Variants in USP6NL observed in about 807,000 individuals in gnomAD.
USP6NL encodes USP6 N-terminal like.
Under a neutral mutation model 61.9 loss-of-function variants are expected in USP6NL, and 26 were observed. The observed-to-expected ratio is 0.42, with a 90% CI of 0.31 to 0.58. The LOEUF (loss-of-function observed/expected upper bound fraction) is 0.58. Ranked by LOEUF, USP6NL falls within the 20% of genes least tolerant of loss-of-function variation. The probability of loss-of-function intolerance (pLI) is 0.16; values close to 1 mark genes in which losing one functional copy is unlikely to be tolerated. For missense variants in USP6NL, 1,114 were observed against 1,034.3 expected, an observed-to-expected ratio of 1.08 and a Z score of -1.06; for synonymous variants, 432 against 390.1, an observed-to-expected ratio of 1.11 and a Z score of -1.27.
intron 6 of USP6NL, 67 bp downstream of exon 6, chr10:11,509,528 A>G: frequency 7.3e-7 from 1 of 1,375,200 alleles, no homozygotes; most frequent in Non-Finnish European, 9.8e-7. Flanking sequence ...TTAAAGAAGA[A>G]CTTCTACTAT....
At position 11,462,796 on chromosome 10, in the gene USP6NL, G is replaced by T; in HGVS notation, c.2132C>A (p.Ser711Ter). Residue 711 changes from serine to a stop codon, truncating the protein, a stop_gained, in exon 15 of 15, where the codon TCG (serine) becomes TAG (stop). Coordinates refer to ENST00000609104, the MANE Select transcript of USP6NL (RefSeq NM_014688.5). LOFTEE classifies it low-confidence loss of function (END_TRUNC). ...LPVDTGAGGYSGNSGSPKNGK... is the reference protein window; with the variant it reads ...LPVDTGAGGY ...ATTCTTTGGTGACCCTGAATTGCCC[G>T]AATATCCCCCAGCACCAGTGTCAAC... is the stretch of plus-strand genomic sequence containing the variant. The T allele has an allele frequency of 1.2e-6, 2 of 1,613,948 alleles. No individual in the cohort carries two copies. The highest frequency in any genetic ancestry group is 1.7e-6 in the Non-Finnish European group (2 of 1,179,874).
chr10:11,462,880 T>C lies in USP6NL; in HGVS notation c.2048A>G (p.Lys683Arg), dbSNP rs4418693. 5 of 1,613,820 alleles carry C rather than the reference T, an allele frequency of 3.1e-6. No individual in the cohort carries two copies. Among genetic ancestry groups the C allele is most frequent in the Non-Finnish European group, 4.2e-6 (5 of 1,179,836 alleles). Residue 683 changes from lysine to arginine, a missense_variant, in exon 15 of 15, where the codon AAA becomes AGA. Coordinates refer to ENST00000609104, the MANE Select transcript of USP6NL (RefSeq NM_014688.5). ...AAGGGGGCTTGGGCGGCTGTAAGAT[T>C]TCTCCGGAGAAGCACTGACGGAAAG... is the stretch of plus-strand genomic sequence containing the variant. The part of the protein sequence containing the change: ...STLSVSASPE[K>R]SYSRPSPLVL...
At position 11,602,536 on chromosome 10, in the gene USP6NL, G is replaced by C. The variant is rs988274241; in HGVS notation, c.-83-4819C>G. Among the ~76,000 whole-genome samples the C allele has an allele frequency of 3.3e-5, 5 of 152,120 alleles. No individual in the cohort carries two copies. Among genetic ancestry groups the C allele is most frequent in the African/African-American group, 1.2e-4 (5 of 41,414 alleles). Reference sequence around the variant, plus strand: ...AACAAAGCCAAGTCTCTCGCATCATGGAATGTACAGCACAGTAATTTCAGT... The same window carrying C: ...AACAAAGCCAAGTCTCTCGCATCATCGAATGTACAGCACAGTAATTTCAGT... On this transcript the variant is annotated intron_variant, in intron 1 of 14. Transcript: ENST00000609104. The surrounding 1 kb of genome is among the most constrained non-coding windows in gnomAD (Gnocchi z 4.8).
At chr10:11,509,986 T>C (rs766862832) in intron 5 of USP6NL, among the ~76,000 whole-genome samples, 14 of 152,042 alleles carry the variant, frequency 9.2e-5, no homozygotes, top group Non-Finnish European at 1.8e-4. Context: ...TTTTGAAATA[T>C]TTTACAAAGC....
intron 1 of USP6NL, among the ~76,000 whole-genome samples, chr10:11,601,785 T>C (rs1838539910): frequency 6.6e-6 from 1 of 152,196 alleles, no homozygotes; most frequent in East Asian, 1.9e-4. Context: ...ATGTGAAGAC[T>C]GATGATTATA....
At chr10:11,599,762 G>A (rs1310721621) in intron 1 of USP6NL, among the ~76,000 whole-genome samples, 1 of 134,450 alleles carries the variant, frequency 7.4e-6, no homozygotes, top group African/African-American at 2.8e-5. Context: ...ACGTAGTCTC[G>A]CTCTGTCGCC....
chr10:11,578,837 G>T (rs1837644584), intron 2 of USP6NL, among the ~76,000 whole-genome samples: 1 of 152,160 alleles, frequency 6.6e-6, no homozygotes, highest in Non-Finnish European at 1.5e-5. Flanking sequence ...TGAGGGATCA[G>T]TTTATGTCAT....
intron 2 of USP6NL, among the ~76,000 whole-genome samples, chr10:11,588,553 TGGTTGGCAA>T (rs1838054475): frequency 6.6e-6 from 1 of 152,116 alleles, no homozygotes; most frequent in African/African-American, 2.4e-5. Flanking sequence ...AAAGTTGGAC[TGGTTGGCAA>T]GGAGTAGATG....
At chr10:11,492,889 A>T (rs1435455303) in intron 8 of USP6NL, among the ~76,000 whole-genome samples, 1 of 152,234 alleles carries the variant, frequency 6.6e-6, no homozygotes, top group African/African-American at 2.4e-5. Flanking sequence ...GAATCCCCAG[A>T]TTATAAAATG....
At chr10:11,501,832 C>T (rs1369223834) in intron 6 of USP6NL, among the ~76,000 whole-genome samples, 1 of 152,188 alleles carries the variant, frequency 6.6e-6, no homozygotes, top group Non-Finnish European at 1.5e-5. Context: ...CTCCTCTTTT[C>T]AGTTCTTGCT....
chr10:11,531,446 C>T (rs1054810372), intron 2 of USP6NL, among the ~76,000 whole-genome samples: 1 of 152,028 alleles, frequency 6.6e-6, no homozygotes, highest in South Asian at 2.1e-4. Flanking sequence ...CCTCAGCCTC[C>T]GGAGTAGCTG....
chr10:11,545,896 G>A (rs923765302), intron 2 of USP6NL, among the ~76,000 whole-genome samples: 4 of 151,316 alleles, frequency 2.6e-5, no homozygotes, highest in African/African-American at 9.7e-5. Context: ...CCACACTTTG[G>A]CCAATAGTCC....
At chr10:11,519,631 A>AAAAC (rs1166662206) in intron 4 of USP6NL, among the ~76,000 whole-genome samples, 1 of 151,948 alleles carries the variant, frequency 6.6e-6, no homozygotes, top group African/African-American at 2.4e-5. Flanking sequence ...ATTCCATCTC[A>AAAAC]AAATAAACAA....
At chr10:11,502,271 A>G (rs1173642768) in intron 6 of USP6NL, among the ~76,000 whole-genome samples, 3 of 151,948 alleles carry the variant, frequency 2.0e-5, no homozygotes, top group South Asian at 2.1e-4. Flanking sequence ...AAAAAAAAAA[A>G]AAAGAAACAT....
chr10:11,601,560 T>C (rs546182545), intron 1 of USP6NL, among the ~76,000 whole-genome samples: 13 of 152,320 alleles, frequency 8.5e-5, no homozygotes, highest in African/African-American at 3.1e-4. Flanking sequence ...AGTATTTTAA[T>C]ATGAAAAACC....
chr10:11,518,685 A>G lies in USP6NL; in HGVS notation c.156-111T>C. On this transcript the variant is annotated intron_variant, in intron 4 of 14. Coordinates refer to ENST00000609104, the MANE Select transcript of USP6NL (RefSeq NM_014688.5). This position sits in a 1 kb window ranked among gnomAD's most constrained non-coding sequence, Gnocchi z 5.3. The stretch of plus-strand genomic sequence containing the variant: ...TACAATATTTATTTGTCATCACAAG[A>G]GTTACATAGGCTTCCATTCATTGAA... The G allele has an allele frequency of 1.3e-6, 1 of 784,742 alleles. No individual in the cohort carries two copies. Among genetic ancestry groups the G allele is most frequent in the Non-Finnish European group, 2.0e-6 (1 of 490,876 alleles). The allele number at this position is 784,742 out of a possible 1,614,324, so 48.6% of individuals were successfully genotyped here. A position where few individuals can be genotyped will look rare whatever the true frequency, so the allele number is the denominator to read the frequency against.
intron 2 of USP6NL, among the ~76,000 whole-genome samples, chr10:11,555,451 T>TATATATATAGAGAGAGAG: frequency 1.6e-5 from 1 of 61,004 alleles, no homozygotes; most frequent in Non-Finnish European, 2.7e-5. Flanking sequence ...TATATATATA[T>TATATATATAGAGAGAGAG]AGAGAGAGAG....
At chr10:11,519,867 T>C (rs1264817099) in intron 4 of USP6NL, among the ~76,000 whole-genome samples, 2 of 152,198 alleles carry the variant, frequency 1.3e-5, no homozygotes, top group Non-Finnish European at 2.9e-5. Context: ...TAGTACTGTT[T>C]TGGCAACACT....
Position 11,511,825 on chromosome 10 carries a change from TTA to T in USP6NL, c.196-2152_196-2151del, listed in dbSNP as rs200834096. On this transcript the variant is annotated intron_variant, in intron 5 of 14. Coordinates refer to ENST00000609104, the MANE Select transcript of USP6NL (RefSeq NM_014688.5). The surrounding 1 kb of genome is among the most constrained non-coding windows in gnomAD (Gnocchi z 4.9). ...AAAAAATAAAATAAAATAATATATA[TTA>T]TACACACACACACACACACACACCC... Among the ~76,000 whole-genome samples, 1 of 134,312 alleles carries T rather than the reference TTA, an allele frequency of 7.4e-6. No homozygotes were observed. The highest frequency in any genetic ancestry group is 2.7e-5 in the African/African-American group (1 of 37,108). The allele number at this position is 134,312 out of a possible 152,430, so 88.1% of individuals were successfully genotyped here. A position where few individuals can be genotyped will look rare whatever the true frequency, so the allele number is the denominator to read the frequency against.
Sources: allele counts gnomAD v4.1 joint callset (sites outside exome capture counted in the v4.1 genomes callset), GRCh38; gene constraint gnomAD v4.1.1; non-coding constraint Gnocchi (gnomAD v3.1); transcripts MANE v1.5; gene names NCBI Gene and HGNC (gene_info 2026-07-23, HGNC 2026-07-21).